GALNT13: variants seen among roughly 807,000 people sequenced by gnomAD.
GALNT13 encodes UDP-GalNAc:polypeptide N-acetylgalactosaminyltransferase 13.
Under a neutral mutation model 64.2 loss-of-function variants are expected in GALNT13, and 28 were observed. The ratio of observed to expected loss-of-function variants is 0.44; its 90% CI spans 0.32 to 0.60. GALNT13 has a LOEUF of 0.60. Among genes scored for constraint, GALNT13 ranks in the 20% least tolerant of loss-of-function variants. The pLI, the probability that GALNT13 is intolerant of heterozygous loss-of-function variation, is 0.05. For missense variants in GALNT13, 577 were observed against 669.8 expected, an observed-to-expected ratio of 0.86 and a Z score of 1.53; for synonymous variants, 214 against 224.6, an observed-to-expected ratio of 0.95 and a Z score of 0.42.
the GALNT13 span, among the ~76,000 whole-genome samples, chr2:153,719,484 C>A: frequency 6.6e-6 from 1 of 152,022 alleles, no homozygotes; most frequent in Non-Finnish European, 1.5e-5. Context: ...GGAACAGCTC[C>A]GGTCTACAGC....
the GALNT13 span, among the ~76,000 whole-genome samples, chr2:153,222,351 T>G: frequency 6.2e-5 from 2 of 32,482 alleles, no homozygotes; most frequent in Admixed American, 4.5e-4. Context: ...GGGTTGGGCT[T>G]ATAGGCTTAG....
At chr2:153,178,978 G>A in the GALNT13 span, among the ~76,000 whole-genome samples, 2 of 151,698 alleles carry the variant, frequency 1.3e-5, no homozygotes, top group Non-Finnish European at 2.9e-5. Context: ...CCTGACCTCA[G>A]GTGATCCATG....
the GALNT13 span, among the ~76,000 whole-genome samples, chr2:153,685,544 C>T: frequency 1.3e-5 from 2 of 151,616 alleles, no homozygotes; most frequent in African/African-American, 2.4e-5. Flanking sequence ...GTTTAAGTTC[C>T]TTATAGATGC....
intron 11 of GALNT13, among the ~76,000 whole-genome samples, chr2:154,410,950 T>C (rs1245367473): frequency 6.6e-6 from 1 of 151,958 alleles, no homozygotes; most frequent in Non-Finnish European, 1.5e-5. Flanking sequence ...TATCTCACTC[T>C]ACTGCAAACT....
At chr2:153,681,946 C>A in the GALNT13 span, among the ~76,000 whole-genome samples, 1 of 151,700 alleles carries the variant, frequency 6.6e-6, no homozygotes, top group Non-Finnish European at 1.5e-5. Flanking sequence ...TTCTTGATTA[C>A]CATCTTTAAG....
chr2:153,400,303 G>T, the GALNT13 span, among the ~76,000 whole-genome samples: 1 of 152,110 alleles, frequency 6.6e-6, no homozygotes, highest in Admixed American at 6.5e-5. Flanking sequence ...TAAGCTTTTT[G>T]ATGTGCTGCT....
intron 12 of GALNT13, among the ~76,000 whole-genome samples, chr2:154,446,114 C>G (rs1457684963): frequency 1.3e-5 from 2 of 151,882 alleles, no homozygotes; most frequent in African/African-American, 2.4e-5. Flanking sequence ...CAAAGTAAAG[C>G]CTTAAAGCTA....
At chr2:154,411,014 A>G (rs1410547786) in intron 11 of GALNT13, among the ~76,000 whole-genome samples, 2 of 151,944 alleles carry the variant, frequency 1.3e-5, no homozygotes, top group Admixed American at 1.3e-4. Flanking sequence ...CACCTGCTGC[A>G]GTCTTGGAAC....
the GALNT13 span, among the ~76,000 whole-genome samples, chr2:153,124,393 G>A: frequency 2.5e-3 from 388 of 152,314 alleles, 6 homozygotes; most frequent in African/African-American, 9.0e-3. Context: ...GCAATAGATA[G>A]CAAATATAAA....
chr2:153,634,041 A>G, the GALNT13 span, among the ~76,000 whole-genome samples: 6 of 152,270 alleles, frequency 3.9e-5, no homozygotes, highest in Admixed American at 3.9e-4. Context: ...TCATTGAAAG[A>G]TGTCAGATGT....
chr2:153,500,109 T>A, the GALNT13 span, among the ~76,000 whole-genome samples: 1 of 152,166 alleles, frequency 6.6e-6, no homozygotes, highest in Admixed American at 6.5e-5. Context: ...CATCTAACTG[T>A]CATTAAGATA....
the GALNT13 span, among the ~76,000 whole-genome samples, chr2:153,083,632 A>AT: frequency 6.6e-6 from 1 of 151,446 alleles, no homozygotes; most frequent in Admixed American, 6.6e-5. Context: ...TAGATTCTGG[A>AT]TATTAGTCCT....
chr2:153,202,901 GAT>G, the GALNT13 span, among the ~76,000 whole-genome samples: 1 of 152,082 alleles, frequency 6.6e-6, no homozygotes, highest in African/African-American at 2.4e-5. Context: ...GATAAGGTAT[GAT>G]ATATTTTTTA....
the GALNT13 span, among the ~76,000 whole-genome samples, chr2:153,625,884 A>G: frequency 6.6e-6 from 1 of 152,044 alleles, no homozygotes; most frequent in East Asian, 1.9e-4. Flanking sequence ...ATGTAATACA[A>G]GTGAGAAATG....
At chr2:153,171,160 C>T in the GALNT13 span, among the ~76,000 whole-genome samples, 4 of 152,202 alleles carry the variant, frequency 2.6e-5, no homozygotes, top group African/African-American at 7.2e-5. Flanking sequence ...CAATTATGGT[C>T]GTCTCGTTGC....
the GALNT13 span, among the ~76,000 whole-genome samples, chr2:153,558,723 A>G: frequency 6.6e-6 from 1 of 152,172 alleles, no homozygotes. Context: ...GACATGGATA[A>G]CTTCCGTTAA....
the GALNT13 span, among the ~76,000 whole-genome samples, chr2:153,530,798 G>A: frequency 6.6e-6 from 1 of 152,104 alleles, no homozygotes; most frequent in Non-Finnish European, 1.5e-5. Context: ...AAAAGACAAT[G>A]TCTTCAATAA....
chr2:153,628,639 G>A, the GALNT13 span, among the ~76,000 whole-genome samples: 1 of 152,106 alleles, frequency 6.6e-6, no homozygotes, highest in Non-Finnish European at 1.5e-5. Context: ...TTCATATGCT[G>A]GATTACATTT....
chr2:154,175,301 T>A (rs1685585073), intron 4 of GALNT13, among the ~76,000 whole-genome samples: 1 of 152,172 alleles, frequency 6.6e-6, no homozygotes, highest in African/African-American at 2.4e-5. Flanking sequence ...TCAGATGTTC[T>A]CCTGATCAAT....
Sources: gnomAD v4.1 joint callset for allele counts (sites outside exome capture counted in the v4.1 genomes callset) on GRCh38, gnomAD v4.1.1 for gene constraint, MANE v1.5 for transcripts, NCBI Gene and HGNC (gene_info 2026-07-23, HGNC 2026-07-21) for gene names.